Variants in HPS1 observed in about 807,000 individuals in gnomAD.
HPS1 encodes the protein BLOC-3 complex member HPS1.
Under a neutral mutation model 90.6 loss-of-function variants are expected in HPS1, and 59 were observed. The observed-to-expected ratio is 0.65, with a 90% CI of 0.53 to 0.81. The LOEUF is 0.81. HPS1 is among the 30% of genes least tolerant of loss of function. The pLI is 0.00. For missense variants in HPS1, 849 were observed against 896.7 expected (o/e 0.95, Z 0.68); for synonymous variants, 388 against 384.4 (o/e 1.01, Z -0.11).
At position 98,429,919 on chromosome 10, in the gene HPS1, C is replaced by A. The variant is rs773630417; in HGVS notation, c.769-30G>T. On this transcript the variant is annotated intron_variant, in intron 8 of 19. Coordinates refer to ENST00000361490, the MANE Select transcript of HPS1 (RefSeq NM_000195.5). ...GCAGGGCAGGGGAGAGGCTGGTTAG[C>A]TCCTATCTGACCTGGCTCCCTCCAC... 8.2e-6 allele frequency: 13 copies of A among 1,590,248 alleles called. 1 individual carries two copies. The Middle Eastern group carries it at 2.0e-3, about 248-fold the overall frequency.
intron 6 of HPS1, chr10:98,431,497 G>A: frequency 1.7e-6 from 1 of 604,666 alleles, no homozygotes; most frequent in Non-Finnish European, 2.9e-6. Flanking sequence ...ATGAGGCAAG[G>A]CAATACACAA....
chr10:98,424,148 G>T (rs925060884), intron 14 of HPS1, among the ~76,000 whole-genome samples, 165 bp downstream of exon 14: 2 of 152,184 alleles, frequency 1.3e-5, no homozygotes, highest in African/African-American at 4.8e-5. Flanking sequence ...ATGGGAAGGA[G>T]CTTCCCAGCT....
downstream of HPS1, among the ~76,000 whole-genome samples, chr10:98,415,412 C>T (rs1371883350): frequency 1.3e-5 from 2 of 152,240 alleles, no homozygotes; most frequent in East Asian, 3.8e-4. Flanking sequence ...GTTCCTATGT[C>T]AGGCTGGCAT....
At chr10:98,420,928 A>G (rs764506907) in intron 17 of HPS1, among the ~76,000 whole-genome samples, 2 of 152,024 alleles carry the variant, frequency 1.3e-5, no homozygotes, top group Non-Finnish European at 2.9e-5. Flanking sequence ...GCCAGGGGGG[A>G]AGTCCAAATC....
chr10:98,437,675 A>G (rs11189604), intron 3 of HPS1, among the ~76,000 whole-genome samples: 13,248 of 152,282 alleles, frequency 0.087, 1,045 homozygotes, highest in African/African-American at 0.21. Context: ...AGCACACACT[A>G]TGATGTTCAC....
At chr10:98,418,966 G>A (rs552142375) in intron 18 of HPS1, among the ~76,000 whole-genome samples, 1 of 152,370 alleles carries the variant, frequency 6.6e-6, no homozygotes. Context: ...ACGGAGGAAA[G>A]CTGGGAGCCT....
chr10:98,428,283 T>A (rs984400421), intron 10 of HPS1, among the ~76,000 whole-genome samples: 1 of 152,146 alleles, frequency 6.6e-6, no homozygotes, highest in Non-Finnish European at 1.5e-5. Flanking sequence ...CGAAAATCAT[T>A]TGGGGACTTT....
At chr10:98,426,098 A>C in intron 11 of HPS1, 113 bp from the exon 12 acceptor site, 1 of 975,516 alleles carries the variant, frequency 1.0e-6, no homozygotes, top group Middle Eastern at 3.2e-4. Flanking sequence ...AAGAAACTCC[A>C]GTTTTTAAAT....
intron 10 of HPS1, chr10:98,429,009 T>A (rs899743142): frequency 1.8e-5 from 3 of 165,816 alleles, no homozygotes; most frequent in Admixed American, 5.8e-5. Flanking sequence ...ACCTGGCTAA[T>A]TTTTGTATTT....
In HPS1 at chr10:98,446,883, G is replaced by A. The variant is rs1478955902; in HGVS notation, c.-182C>T. On this transcript the variant is annotated 5_prime_UTR_variant, in exon 1 of 20. In the 5' UTR this introduces an upstream ATG that the reference lacks. Coordinates refer to ENST00000361490, the MANE Select transcript of HPS1 (RefSeq NM_000195.5). ...CAGAGGGGACAGCCCGGAGGCCCAC[G>A]TACCGGATCGCGGCGCGCACAGCGC... The A allele has an allele frequency of 6.6e-6, 1 of 152,162 alleles. No homozygotes were observed. Among genetic ancestry groups the A allele is most frequent in the Non-Finnish European group, 1.5e-5 (1 of 68,028 alleles). The allele number at this position is 152,162 out of a possible 1,614,324, so 9.4% of individuals were successfully genotyped here. A position where few individuals can be genotyped will look rare whatever the true frequency, so the allele number is the denominator to read the frequency against.
At chr10:98,428,275 A>C (rs1464164875) in intron 10 of HPS1, among the ~76,000 whole-genome samples, 1 of 152,242 alleles carries the variant, frequency 6.6e-6, no homozygotes, top group Non-Finnish European at 1.5e-5. Context: ...GCTACACACG[A>C]AAATCATTTG....
chr10:98,431,063 G>A, intron 7 of HPS1, 68 bp downstream of exon 7: 2 of 1,530,534 alleles, frequency 1.3e-6, no homozygotes, highest in South Asian at 2.3e-5. Flanking sequence ...TGCTTTTCAG[G>A]CAGAGGCCAT....
rs756217286 is a variant in HPS1, at chr10:98,417,606, C to T, written c.2061G>A (p.Leu687=). The change falls in exon 20 of 20, where the codon CTG becomes CTA. Residue 687 remains leucine, a synonymous_variant. Coordinates refer to ENST00000361490, the MANE Select transcript of HPS1 (RefSeq NM_000195.5). The surrounding 1 kb of genome is among the most constrained non-coding windows in gnomAD (Gnocchi z 4.2). ...TDLLVQQAGQ[L]ARRLWEASRI... is the part of the protein sequence containing the mutation. ...GGGAGGCCTCCCAGAGGCGCCGGGC[C>T]AGCTGGCCGGCCTGCTGCACCAGCA... 32 of 1,612,382 alleles carry T rather than the reference C, an allele frequency of 2.0e-5. No homozygotes were observed. The highest frequency in any genetic ancestry group is 1.5e-5 in the Non-Finnish European group (18 of 1,179,602).
Position 98,417,290 on chromosome 10 carries a change from AGG to A in HPS1, c.*272_*273del. On this transcript the variant is annotated 3_prime_UTR_variant, in exon 20 of 20. Transcript: ENST00000361490. This position sits in a 1 kb window ranked among gnomAD's most constrained non-coding sequence, Gnocchi z 4.2. ...TCCCCATCTCCCAGGATAAAGGCAG[AGG>A]CAGCTCTGGAAGAGGAGCTGTTGCC... is the stretch of plus-strand genomic sequence containing the variant. 1 of 369,174 alleles carries A rather than the reference AGG, an allele frequency of 2.7e-6. No individual in the cohort carries two copies. The highest frequency in any genetic ancestry group is 5.0e-5 in the East Asian group (1 of 19,884). The allele number at this position is 369,174 out of a possible 1,614,324, so 22.9% of individuals were successfully genotyped here. A position where few individuals can be genotyped will look rare whatever the true frequency, so the allele number is the denominator to read the frequency against.
rs11189601 is a variant in HPS1, at chr10:98,430,597, C to T, written c.742G>A (p.Glu248Lys). 1.7e-5 allele frequency: 27 copies of T among 1,554,970 alleles called. No individual in the cohort carries two copies. The East Asian group carries it at 3.9e-4, about 22-fold the overall frequency. ...TGAATGTCGTCCTCTGCTGTGCTCTCGCTGGGGTAGAGGTCCTGAACCAGG... is the reference window on the plus strand; with the variant it reads ...TGAATGTCGTCCTCTGCTGTGCTCTTGCTGGGGTAGAGGTCCTGAACCAGG... ...ILLVQDLYPS[E>K]STAEDDIQPS... The change falls in exon 8 of 20, where the codon GAG becomes AAG. Residue 248 changes from glutamate to lysine, a missense_variant. By Grantham distance (56) the Glu-to-Lys change is moderately conservative (BLOSUM62 1). Transcript: ENST00000361490.
intron 10 of HPS1, among the ~76,000 whole-genome samples, chr10:98,428,697 CTTTTTTTTT>C (rs11435125): frequency 7.8e-6 from 1 of 128,160 alleles, no homozygotes. Context: ...CCACAGGACC[CTTTTTTTTT>C]TTTTTTTTTA....
chr10:98,422,588 G>A, intron 16 of HPS1, 75 bp from the exon 17 acceptor site: 2 of 1,476,978 alleles, frequency 1.4e-6, no homozygotes, highest in South Asian at 1.1e-5. Flanking sequence ...TTCTAGCTGT[G>A]CCCAGTCATG....
intron 3 of HPS1, among the ~76,000 whole-genome samples, chr10:98,436,099 A>G (rs988283403): frequency 2.0e-5 from 3 of 152,246 alleles, no homozygotes; most frequent in Non-Finnish European, 4.4e-5. Flanking sequence ...AGCATGTACC[A>G]AAGTCTATGC....
At chr10:98,436,631 G>C (rs189640898) in intron 3 of HPS1, among the ~76,000 whole-genome samples, 2 of 152,314 alleles carry the variant, frequency 1.3e-5, no homozygotes, top group East Asian at 3.9e-4. Context: ...AACTGGACAA[G>C]TTTGTTGCAA....
Sources: gnomAD v4.1 joint callset for allele counts (sites outside exome capture counted in the v4.1 genomes callset) on GRCh38, gnomAD v4.1.1 for gene constraint, Gnocchi (gnomAD v3.1) non-coding constraint, MANE v1.5 for transcripts, NCBI Gene and HGNC (gene_info 2026-07-23, HGNC 2026-07-21) for gene names.